SPAST: variants seen among roughly 807,000 people sequenced by gnomAD.
SPAST encodes the protein spastic paraplegia 4 (autosomal dominant; spastin).
A neutral mutation model predicts 76.6 loss-of-function variants in SPAST; 30 were observed. The observed-to-expected ratio is 0.39, with a 90% confidence interval of 0.29 to 0.53. The LOEUF (loss-of-function observed/expected upper bound fraction) is 0.53. SPAST is among the 20% of genes least tolerant of loss of function. The pLI is 0.68. For synonymous variants in SPAST, 305 were observed against 281.0 expected, an observed-to-expected ratio of 1.09 and a Z score of -0.86; for missense variants, 717 against 770.5, an observed-to-expected ratio of 0.93 and a Z score of 0.82.
intron 7 of SPAST, among the ~76,000 whole-genome samples, chr2:32,126,177 T>G (rs991303790): frequency 1.3e-5 from 2 of 152,138 alleles, no homozygotes; most frequent in African/African-American, 4.8e-5. Context: ...TTCCTGAACC[T>G]TCCTGGGATT....
intron 3 of SPAST, among the ~76,000 whole-genome samples, chr2:32,096,330 G>T (rs1000998287): frequency 6.6e-6 from 1 of 152,214 alleles, no homozygotes; most frequent in African/African-American, 2.4e-5. Flanking sequence ...AGCTATTCGG[G>T]AGGCTGAGGC....
At chr2:32,108,316 G>C (rs1678401684) in intron 4 of SPAST, among the ~76,000 whole-genome samples, 1 of 152,120 alleles carries the variant, frequency 6.6e-6, no homozygotes, top group Non-Finnish European at 1.5e-5. Context: ...GACTTTGAAT[G>C]CAGGTCTGTA....
At chr2:32,068,647 T>A (rs1347399545) in intron 1 of SPAST, among the ~76,000 whole-genome samples, 1 of 152,172 alleles carries the variant, frequency 6.6e-6, no homozygotes, top group Non-Finnish European at 1.5e-5. Context: ...AGTTTGATTT[T>A]AGTTCAACAA....
chr2:32,147,083 C>T, intron 15 of SPAST, 135 bp from the exon 16 acceptor site: 2 of 644,746 alleles, frequency 3.1e-6, no homozygotes, highest in South Asian at 3.7e-5. Flanking sequence ...TCAAAGTTAA[C>T]ATGTGTCTCT....
At chr2:32,111,651 T>C (rs1026684696) in intron 4 of SPAST, among the ~76,000 whole-genome samples, 4 of 150,984 alleles carry the variant, frequency 2.6e-5, no homozygotes, top group Non-Finnish European at 5.9e-5. Context: ...CTTTATATTA[T>C]AGGTATATAC....
At chr2:32,142,304 A>G (rs1573165690) in intron 13 of SPAST, among the ~76,000 whole-genome samples, 1 of 152,362 alleles carries the variant, frequency 6.6e-6, no homozygotes, top group South Asian at 2.1e-4. Flanking sequence ...CTCACTTCAT[A>G]TATTAAGTTT....
At chr2:32,104,183 A>G (rs1405163941) in intron 4 of SPAST, among the ~76,000 whole-genome samples, 1 of 152,182 alleles carries the variant, frequency 6.6e-6, no homozygotes, top group African/African-American at 2.4e-5. Flanking sequence ...TTCTTGTTGA[A>G]TTGATCCCTT....
chr2:32,082,590 G>T (rs1338115467), intron 1 of SPAST, among the ~76,000 whole-genome samples: 1 of 151,950 alleles, frequency 6.6e-6, no homozygotes, highest in Non-Finnish European at 1.5e-5. Context: ...CAGCTACTTG[G>T]GAGGCTGAGG....
At chr2:32,072,570 C>T (rs1443953931) in intron 1 of SPAST, among the ~76,000 whole-genome samples, 1 of 152,088 alleles carries the variant, frequency 6.6e-6, no homozygotes, top group African/African-American at 2.4e-5. Context: ...CTTTGGAATG[C>T]CTTTGGCAAG....
chr2:32,147,237 G>A lies in SPAST; in HGVS notation c.1707G>A (p.Val569=). ...GPIRELKPEQ[V]KNMSASEMRN... is the part of the protein sequence containing the mutation. ...TTACAGAACTAAAACCAGAACAGGT[G>A]AAGAATATGTCTGCCAGTGAGGTAT... Residue 569 remains valine (V), a synonymous_variant, in exon 16 of 17, where the codon GTG becomes GTA. Transcript: ENST00000315285. 1 of 1,604,484 alleles carries A rather than the reference G, an allele frequency of 6.2e-7. No individual in the cohort carries two copies. Among genetic ancestry groups the A allele is most frequent in the Non-Finnish European group, 8.5e-7 (1 of 1,172,744 alleles).
intron 1 of SPAST, among the ~76,000 whole-genome samples, chr2:32,072,209 T>G (rs949762262): frequency 1.5e-3 from 78 of 52,596 alleles, no homozygotes; most frequent in African/African-American, 5.1e-3. Context: ...TGCCCAGCTA[T>G]TTTTTTTGTA....
intron 2 of SPAST, among the ~76,000 whole-genome samples, chr2:32,089,218 T>TTTTTTTTTTTTTTCC (rs375850129): frequency 7.7e-6 from 1 of 129,974 alleles, no homozygotes; most frequent in African/African-American, 2.9e-5. Context: ...TTTTTTTTTT[T>TTTTTTTTTTTTTTCC]AAGTAGAGAC....
chr2:32,084,980 A>G (rs1281477384), intron 1 of SPAST, among the ~76,000 whole-genome samples: 1 of 151,416 alleles, frequency 6.6e-6, no homozygotes, highest in Admixed American at 6.6e-5. Context: ...CATTGTACTC[A>G]TTTTGTTTTT....
chr2:32,123,738 T>A (rs939313964), intron 7 of SPAST, among the ~76,000 whole-genome samples: 1 of 152,166 alleles, frequency 6.6e-6, no homozygotes, highest in African/African-American at 2.4e-5. Context: ...AGTCAACTGA[T>A]CTTTGGCAAA....
rs1453476334 is a variant in SPAST, at chr2:32,098,879, C to A, written c.670C>A (p.His224Asn). The A allele has an allele frequency of 6.2e-7, 1 of 1,611,788 alleles. No homozygotes were observed. ...DSTNLACRNG[H>N]LQSESGAVPK... is the part of the protein sequence containing the mutation. Reference sequence around the variant, plus strand: ...TACTAACTTGGCATGCCGCAATGGACATCTCCAGTCAGGTGGGTTTAGGTT... The same window carrying A: ...TACTAACTTGGCATGCCGCAATGGAAATCTCCAGTCAGGTGGGTTTAGGTT... The change falls in exon 4 of 17, where the codon CAT (histidine) becomes AAT (asparagine). Residue 224 changes from histidine to asparagine, a missense_variant. By Grantham distance (68) the His-to-Asn change is moderately conservative. Coordinates refer to ENST00000315285, the MANE Select transcript of SPAST (RefSeq NM_014946.4).
At chr2:32,082,462 C>T (rs754324314) in intron 1 of SPAST, among the ~76,000 whole-genome samples, 7 of 151,692 alleles carry the variant, frequency 4.6e-5, no homozygotes, top group South Asian at 2.1e-4. Flanking sequence ...TTTGGGAGGC[C>T]GAGGCAGGTG....
At position 32,113,810 on chromosome 2, in the gene SPAST, G is replaced by A. The variant is rs544186867; in HGVS notation, c.683-828G>A. Among the ~76,000 whole-genome samples the A allele has an allele frequency of 5.3e-5, 8 of 151,982 alleles. No homozygotes were observed. The South Asian group carries it at 1.5e-3, about 28-fold the overall frequency. ...TTGAACTACTGACATCAGGTGATCCGTCCACCTCGATCTCCCAAAGTGCTG... is the reference window on the plus strand; with the variant it reads ...TTGAACTACTGACATCAGGTGATCCATCCACCTCGATCTCCCAAAGTGCTG... On this transcript the variant is annotated intron_variant, in intron 4 of 16. Transcript: ENST00000315285.
At chr2:32,104,902 A>G (rs1678260196) in intron 4 of SPAST, among the ~76,000 whole-genome samples, 1 of 151,912 alleles carries the variant, frequency 6.6e-6, no homozygotes, top group Admixed American at 6.6e-5. Flanking sequence ...CTACATTTCA[A>G]CTTTGGTGAA....
chr2:32,074,248 A>G (rs1676863177), intron 1 of SPAST, among the ~76,000 whole-genome samples: 1 of 152,230 alleles, frequency 6.6e-6, no homozygotes. Flanking sequence ...CTAAAGCTGT[A>G]GTAGTTAAAA....
Sources: gnomAD v4.1 joint callset for allele counts (sites outside exome capture counted in the v4.1 genomes callset) on GRCh38, gnomAD v4.1.1 for gene constraint, MANE v1.5 for transcripts, NCBI Gene and HGNC (gene_info 2026-07-23, HGNC 2026-07-21) for gene names.